Variants in SH3RF1 observed in about 807,000 individuals in gnomAD.
SH3RF1 encodes E3 ubiquitin-protein ligase SH3RF1.
SH3RF1 carries 32 observed loss-of-function variants against 74.0 expected under a neutral mutation model. That is an observed-to-expected ratio of 0.43 (90% CI 0.33 to 0.58). The LOEUF (loss-of-function observed/expected upper bound fraction) is 0.58, where lower values mean the gene tolerates loss of function less well. SH3RF1 is among the 20% of genes least tolerant of loss of function. SH3RF1 has a pLI of 0.05. For synonymous variants in SH3RF1, 396 were observed against 439.6 expected, an observed-to-expected ratio of 0.90 and a Z score of 1.24; for missense variants, 954 against 1,130.9, an observed-to-expected ratio of 0.84 and a Z score of 2.24.
chr4:169,209,081 A>C lies in SH3RF1; in HGVS notation c.394-52402T>G, dbSNP rs563670666. Among the ~76,000 whole-genome samples the C allele has an allele frequency of 5.9e-4, 89 of 152,064 alleles. 2 individuals are homozygous for C. In the South Asian group the frequency reaches 0.018, roughly 31 times the overall value. ...GAGGAAGGTGATCACTTGAGGTCAG[A>C]AGTTCGAGACCAGCCTGGCCAACAT... On this transcript the variant is annotated intron_variant, in intron 2 of 11. Coordinates refer to ENST00000284637, the MANE Select transcript of SH3RF1 (RefSeq NM_020870.4).
intron 11 of SH3RF1, among the ~76,000 whole-genome samples, chr4:169,098,676 TG>T (rs113987875): frequency 1.3e-5 from 2 of 152,254 alleles, no homozygotes; most frequent in African/African-American, 4.8e-5. Flanking sequence ...ACCACAAGGC[TG>T]GGGTTTGATC....
At position 169,096,655 on chromosome 4, in the gene SH3RF1, C is replaced by T. The variant is rs943426548; in HGVS notation, c.2531G>A (p.Ser844Asn). 1 of 1,613,966 alleles carries T rather than the reference C, an allele frequency of 6.2e-7. No individual in the cohort carries two copies. The highest frequency in any genetic ancestry group is 8.5e-7 in the Non-Finnish European group (1 of 1,180,022). Residue 844 changes from serine (S) to asparagine (N), a missense_variant, in exon 12 of 12, where the codon AGT becomes AAT. Around this residue, in one of 3 missense-constraint regions of SH3RF1, gnomAD observed 36 missense variants for 66.5 expected, o/e 0.54. Coordinates refer to ENST00000284637, the MANE Select transcript of SH3RF1 (RefSeq NM_020870.4). ...TTCTTTAAGTTCAAGTTCTGCCTCACTCTGAGGAGGATAGGAAACCACCAC... is the reference window on the plus strand; with the variant it reads ...TTCTTTAAGTTCAAGTTCTGCCTCATTCTGAGGAGGATAGGAAACCACCAC... The part of the protein sequence containing the change: ...HRVVVSYPPQ[S>N]EAELELKEGD...
chr4:169,263,961 C>G (rs1350665962), intron 2 of SH3RF1, among the ~76,000 whole-genome samples: 2 of 152,178 alleles, frequency 1.3e-5, no homozygotes, highest in Non-Finnish European at 2.9e-5. Flanking sequence ...TGAACAACTT[C>G]TCAAAGGTAT....
chr4:169,113,148 T>C (rs945049657), intron 10 of SH3RF1, among the ~76,000 whole-genome samples: 4 of 152,070 alleles, frequency 2.6e-5, no homozygotes, highest in Non-Finnish European at 5.9e-5. Flanking sequence ...TCTCACTCTG[T>C]TGCCCAGGCT....
intron 2 of SH3RF1, among the ~76,000 whole-genome samples, chr4:169,239,722 T>A (rs1176873246): frequency 6.6e-6 from 1 of 152,126 alleles, no homozygotes; most frequent in East Asian, 1.9e-4. Context: ...GAAATTTCTT[T>A]AAAAGTAATT....
Position 169,096,427 on chromosome 4 carries a change from T to A in SH3RF1, c.*92A>T. 2 of 1,387,106 alleles carry A rather than the reference T, an allele frequency of 1.4e-6. No individual in the cohort carries two copies. The highest frequency in any genetic ancestry group is 2.8e-5 in the South Asian group (2 of 72,216). 85.9% of individuals were successfully genotyped at this position (1,387,106 alleles called of 1,614,324 possible). A position where few individuals can be genotyped will look rare whatever the true frequency, so the allele number is the denominator to read the frequency against. The stretch of plus-strand genomic sequence containing the variant: ...CAATCCTTTGCTCATCTCCTGACCA[T>A]CTGGAAGTCCACAAATGTGCTCTTT... On this transcript the variant is annotated 3_prime_UTR_variant, in exon 12 of 12. Transcript: ENST00000284637.
chr4:169,208,237 C>T (rs764136235), intron 2 of SH3RF1, among the ~76,000 whole-genome samples: 3 of 151,844 alleles, frequency 2.0e-5, no homozygotes, highest in African/African-American at 7.3e-5. Flanking sequence ...AAGTAATAGC[C>T]GTTTCTGTCC....
chr4:169,180,518 A>G (rs1320685333), intron 2 of SH3RF1, among the ~76,000 whole-genome samples: 5 of 152,234 alleles, frequency 3.3e-5, no homozygotes, highest in Non-Finnish European at 7.3e-5. Flanking sequence ...TGCGGAAAGA[A>G]AAGAGATGGC....
intron 3 of SH3RF1, 117 bp downstream of exon 3, chr4:169,156,287 A>G: frequency 8.7e-7 from 1 of 1,148,106 alleles, no homozygotes; most frequent in Non-Finnish European, 1.2e-6. Context: ...AAGCATAGTG[A>G]GTAGTTCACA....
intron 2 of SH3RF1, among the ~76,000 whole-genome samples, chr4:169,258,197 G>A (rs767250766): frequency 1.6e-4 from 24 of 152,324 alleles, no homozygotes; most frequent in Non-Finnish European, 3.4e-4. Flanking sequence ...GGACTAGAAA[G>A]CAGGTCTCCT....
intron 2 of SH3RF1, among the ~76,000 whole-genome samples, chr4:169,221,987 A>C (rs1329221544): frequency 6.6e-6 from 1 of 152,208 alleles, no homozygotes; most frequent in African/African-American, 2.4e-5. Flanking sequence ...TCCCAAAAAA[A>C]CACTACTAAT....
At chr4:169,164,037 TG>T (rs773303228) in intron 2 of SH3RF1, among the ~76,000 whole-genome samples, 11 of 152,210 alleles carry the variant, frequency 7.2e-5, no homozygotes, top group Admixed American at 3.3e-4. Context: ...ATTGCCTCCT[TG>T]GGGAAGCTTC....
chr4:169,209,936 C>T (rs1030320589), intron 2 of SH3RF1, among the ~76,000 whole-genome samples: 6 of 152,130 alleles, frequency 3.9e-5, no homozygotes, highest in South Asian at 2.1e-4. Context: ...ACTACAGGCA[C>T]GCATCACCAC....
chr4:169,212,853 AC>A (rs1357375391), intron 2 of SH3RF1, among the ~76,000 whole-genome samples: 1 of 152,080 alleles, frequency 6.6e-6, no homozygotes, highest in Non-Finnish European at 1.5e-5. Context: ...TGCTCAACTT[AC>A]TCATTCTCCC....
chr4:169,153,673 T>C (rs1055577303), intron 4 of SH3RF1, among the ~76,000 whole-genome samples: 1 of 152,210 alleles, frequency 6.6e-6, no homozygotes, highest in Non-Finnish European at 1.5e-5. Flanking sequence ...CTCTGCTCCC[T>C]ACCAGGAAGT....
At chr4:169,119,399 A>C (rs1733400796) in intron 8 of SH3RF1, among the ~76,000 whole-genome samples, 1 of 145,688 alleles carries the variant, frequency 6.9e-6, no homozygotes, top group South Asian at 2.2e-4. Context: ...AAGTGCTGGG[A>C]TTACAGGCGT....
chr4:169,258,479 A>T lies in SH3RF1; in HGVS notation c.393+10341T>A, dbSNP rs1038930316. Among the ~76,000 whole-genome samples the T allele has an allele frequency of 5.9e-5, 9 of 152,228 alleles. No individual in the cohort carries two copies. The East Asian group carries it at 1.7e-3, about 29-fold the overall frequency. On this transcript the variant is annotated intron_variant, in intron 2 of 11. Transcript: ENST00000284637. The stretch of plus-strand genomic sequence containing the variant: ...AAAATGAGTAGAAAAAAGAAAAATA[A>T]AAGTGCTACTATAGTACAGTTAAGA...
chr4:169,207,007 G>A (rs934361109), intron 2 of SH3RF1, among the ~76,000 whole-genome samples: 4 of 152,032 alleles, frequency 2.6e-5, no homozygotes, highest in African/African-American at 7.2e-5. Context: ...CACCCAGGCT[G>A]GAGTGCAATA....
chr4:169,218,008 G>T (rs998049738), intron 2 of SH3RF1, among the ~76,000 whole-genome samples: 1 of 151,676 alleles, frequency 6.6e-6, no homozygotes, highest in African/African-American at 2.4e-5. Flanking sequence ...CTTCCAGCAA[G>T]AAATTAATTT....
Sources: allele counts gnomAD v4.1 joint callset (sites outside exome capture counted in the v4.1 genomes callset), GRCh38; gene constraint gnomAD v4.1.1; regional missense constraint gnomAD v4.1.1; transcripts MANE v1.5; gene names NCBI Gene and HGNC (gene_info 2026-07-23, HGNC 2026-07-21).